The following SORCS2 variants were observed in gnomAD, a reference collection of about 807,000 sequenced individuals.
SORCS2 encodes sortilin related VPS10 domain containing receptor 2.
In SORCS2, 100 loss-of-function variants were observed where a neutral mutation model predicts 141.6. The observed-to-expected ratio is 0.71, with a 90% CI of 0.60 to 0.83. The LOEUF is 0.83. Ranked by LOEUF, SORCS2 falls within the 40% of genes least tolerant of loss-of-function variation. SORCS2 has a pLI of 0.00. For missense variants in SORCS2, 1,646 were observed against 1,560.2 expected, an observed-to-expected ratio of 1.05 and a Z score of -0.93; for synonymous variants, 789 against 676.9, an observed-to-expected ratio of 1.17 and a Z score of -2.57.
At chr4:7,242,207 T>C (rs1712749536) in intron 1 of SORCS2, among the ~76,000 whole-genome samples, 1 of 152,058 alleles carries the variant, frequency 6.6e-6, no homozygotes, top group Non-Finnish European at 1.5e-5. Context: ...GTTGTCTTCT[T>C]CTTTTTTTAA....
At chr4:7,367,534 G>A (rs966389338) in intron 1 of SORCS2, among the ~76,000 whole-genome samples, 1 of 152,210 alleles carries the variant, frequency 6.6e-6, no homozygotes, top group Non-Finnish European at 1.5e-5. Context: ...CAGCAACGGC[G>A]CCCGGGATGC....
chr4:7,614,872 TCATCCACCCATCTGC>T (rs370299639), intron 3 of SORCS2, among the ~76,000 whole-genome samples: 31 of 145,632 alleles, frequency 2.1e-4, no homozygotes, highest in East Asian at 8.4e-4. Flanking sequence ...ATCCCTCTAC[TCATCCACCCATCTGC>T]CATCCACCCA....
chr4:7,638,607 G>T, intron 4 of SORCS2, 115 bp downstream of exon 4: 2 of 1,140,238 alleles, frequency 1.8e-6, no homozygotes, highest in Non-Finnish European at 2.4e-6. Context: ...GCTGGCTGAG[G>T]AGGAGCCTCC....
chr4:7,505,947 C>T (rs1451630655), intron 2 of SORCS2, among the ~76,000 whole-genome samples: 1 of 152,228 alleles, frequency 6.6e-6, no homozygotes, highest in Non-Finnish European at 1.5e-5. Flanking sequence ...TGTGCCTCCA[C>T]TTCCGCGGCT....
intron 4 of SORCS2, among the ~76,000 whole-genome samples, chr4:7,652,421 CCCCAGGCCTGGGGCACTGA>C (rs1299102280): frequency 6.6e-6 from 1 of 152,134 alleles, no homozygotes; most frequent in Non-Finnish European, 1.5e-5. Flanking sequence ...CTTCCCTTCT[CCCCAGGCCTGGGGCACTGA>C]CCCAAGGAGC....
At chr4:7,584,096 TC>T (rs1169843504) in intron 3 of SORCS2, among the ~76,000 whole-genome samples, 2 of 152,276 alleles carry the variant, frequency 1.3e-5, no homozygotes, top group African/African-American at 4.8e-5. Flanking sequence ...GAGGACAGCA[TC>T]TTCGTCTTCA....
chr4:7,194,339 C>T (rs776258884), intron 1 of SORCS2, among the ~76,000 whole-genome samples: 4 of 152,130 alleles, frequency 2.6e-5, no homozygotes, highest in South Asian at 2.1e-4. Flanking sequence ...TCACTTGTGC[C>T]CATCTCCTCT....
chr4:7,695,504 GTGGATGGGTGGGTGGGTGA>G (rs1724568646), intron 11 of SORCS2, among the ~76,000 whole-genome samples: 1 of 38,314 alleles, frequency 2.6e-5, no homozygotes, highest in Non-Finnish European at 4.7e-5. Context: ...GGGTGGGTGA[GTGGATGGGTGGGTGGGTGA>G]GTGGATGGGT....
chr4:7,658,924 C>T lies in SORCS2; in HGVS notation c.888-2576C>T, dbSNP rs558076122. On this transcript the variant is annotated intron_variant, in intron 5 of 26. Coordinates refer to ENST00000507866, the MANE Select transcript of SORCS2 (RefSeq NM_020777.3). Reference sequence around the variant, plus strand: ...CAAGCAGGCTATGTGGGTGCTCCTGCCCCCAACGCTGAGTGGCCACTGATA... The same window carrying T: ...CAAGCAGGCTATGTGGGTGCTCCTGTCCCCAACGCTGAGTGGCCACTGATA... Among the ~76,000 whole-genome samples, 11 of 152,296 alleles carry T rather than the reference C, an allele frequency of 7.2e-5. 1 individual carries two copies. The South Asian group carries it at 2.3e-3, about 32-fold the overall frequency.
chr4:7,303,200 T>C (rs1441351954), intron 1 of SORCS2, among the ~76,000 whole-genome samples: 2 of 152,140 alleles, frequency 1.3e-5, no homozygotes, highest in South Asian at 2.1e-4. Flanking sequence ...GAGACAGCCA[T>C]AGTGTGGGAA....
Position 7,192,700 on chromosome 4 carries a change from A to G in SORCS2, c.54A>G (p.Arg18=). Residue 18 remains arginine, a synonymous_variant, in exon 1 of 27, where the codon CGA becomes CGG. Coordinates refer to ENST00000507866, the MANE Select transcript of SORCS2 (RefSeq NM_020777.3). This position sits in a 1 kb window ranked among gnomAD's most constrained non-coding sequence, Gnocchi z 4.0. ...RASKGPGPTA[R]APSPGAPPPP... ...CGAAGGGCCCCGGCCCCACCGCCCG[A>G]GCCCCGAGCCCCGGGGCTCCGCCGC... 1 of 988,628 alleles carries G rather than the reference A, an allele frequency of 1.0e-6. No homozygotes were observed. Among genetic ancestry groups the G allele is most frequent in the Non-Finnish European group, 1.2e-6 (1 of 833,784 alleles). 61.2% of individuals were successfully genotyped at this position (988,628 alleles called of 1,614,324 possible).
At chr4:7,717,712 C>T (rs1726287058) in intron 17 of SORCS2, among the ~76,000 whole-genome samples, 1 of 147,996 alleles carries the variant, frequency 6.8e-6, no homozygotes, top group Non-Finnish European at 1.5e-5. Flanking sequence ...GCAGCACTAA[C>T]GGTGGCTGTT....
intron 2 of SORCS2, among the ~76,000 whole-genome samples, chr4:7,462,692 T>C (rs766116578): frequency 4.0e-4 from 60 of 151,684 alleles, no homozygotes; most frequent in South Asian, 1.3e-3. Context: ...TGGCTCTGGG[T>C]CTGGCACGCA....
chr4:7,291,293 T>G (rs1478225607), intron 1 of SORCS2, among the ~76,000 whole-genome samples: 1 of 151,846 alleles, frequency 6.6e-6, no homozygotes, highest in African/African-American at 2.4e-5. Flanking sequence ...AGGGGTGTGG[T>G]CGTTTGCTTT....
chr4:7,446,545 C>T (rs1728014516), intron 2 of SORCS2, among the ~76,000 whole-genome samples: 1 of 152,206 alleles, frequency 6.6e-6, no homozygotes, highest in Non-Finnish European at 1.5e-5. Context: ...GCTGCCTCTG[C>T]AGCTGGCCTT....
At chr4:7,519,697 A>G (rs1020133889) in intron 2 of SORCS2, among the ~76,000 whole-genome samples, 7 of 152,204 alleles carry the variant, frequency 4.6e-5, no homozygotes, top group African/African-American at 1.4e-4. Flanking sequence ...TTCCTTAGCC[A>G]GCACTGGCTG....
chr4:7,223,756 G>T lies in SORCS2; in HGVS notation c.480+30630G>T, dbSNP rs1170462236. Among the ~76,000 whole-genome samples the T allele has an allele frequency of 2.0e-5, 3 of 152,174 alleles. No homozygotes were observed. The East Asian group carries it at 5.8e-4, about 29-fold the overall frequency. On this transcript the variant is annotated intron_variant, in intron 1 of 26. Transcript: ENST00000507866. Reference sequence around the variant, plus strand: ...TCCTGGGAAGGGCTGGGCTTGGGAAGGGCATCTGGGAAGATGCCTGGTCTG... The same window carrying T: ...TCCTGGGAAGGGCTGGGCTTGGGAATGGCATCTGGGAAGATGCCTGGTCTG...
intron 2 of SORCS2, chr4:7,433,644 G>C: frequency 6.2e-7 from 1 of 1,610,270 alleles, no homozygotes; most frequent in East Asian, 2.2e-5. Context: ...TGGTGCTCTT[G>C]CTCTCCAAGT....
chr4:7,725,338 A>G, intron 20 of SORCS2, 51 bp downstream of exon 20: 1 of 1,582,408 alleles, frequency 6.3e-7, no homozygotes, highest in South Asian at 1.1e-5. Flanking sequence ...GCTCCCCACA[A>G]GCTGCACAGT....
Sources: gnomAD v4.1 joint callset for allele counts (sites outside exome capture counted in the v4.1 genomes callset) on GRCh38, gnomAD v4.1.1 for gene constraint, Gnocchi (gnomAD v3.1) non-coding constraint, MANE v1.5 for transcripts, NCBI Gene and HGNC (gene_info 2026-07-23, HGNC 2026-07-21) for gene names.